NAV2: variants seen among roughly 807,000 people sequenced by gnomAD.
The protein encoded by NAV2 is helicase, APC down-regulated 1.
NAV2 carries 54 observed loss-of-function variants against 223.2 expected under a neutral mutation model. The observed-to-expected ratio is 0.24, with a 90% CI of 0.19 to 0.30. The LOEUF (loss-of-function observed/expected upper bound fraction) is 0.30. Ranked by LOEUF, NAV2 falls within the 10% of genes least tolerant of loss-of-function variation. NAV2 has a pLI of 1.00. For synonymous variants in NAV2, 1,279 were observed against 1,239.3 expected (o/e 1.03, Z -0.67); for missense variants, 2,806 against 3,147.5 (o/e 0.89, Z 2.60).
At chr11:20,106,738 G>A (rs1182747870) in intron 35 of NAV2, among the ~76,000 whole-genome samples, 1 of 151,334 alleles carries the variant, frequency 6.6e-6, no homozygotes, top group Non-Finnish European at 1.5e-5. Flanking sequence ...TGCCTCCCAG[G>A]TTCAAGTGAT....
At chr11:20,062,567 A>T (rs1255810297) in intron 20 of NAV2, among the ~76,000 whole-genome samples, 3 of 152,266 alleles carry the variant, frequency 2.0e-5, no homozygotes, top group African/African-American at 7.2e-5. Context: ...CTGCCTTGTT[A>T]AAGTGGCATT....
At chr11:19,732,621 T>G (rs1475713076) in intron 1 of NAV2, among the ~76,000 whole-genome samples, 1 of 152,212 alleles carries the variant, frequency 6.6e-6, no homozygotes, top group African/African-American at 2.4e-5. Context: ...AATATACCCC[T>G]GGCTTCTTAG....
rs906954177 is a variant in NAV2 at position 19,998,995 on chromosome 11, A to G, written c.2768+14748A>G. Among the ~76,000 whole-genome samples the G allele has an allele frequency of 2.6e-5, 4 of 152,216 alleles. No homozygotes were observed. Among genetic ancestry groups the G allele is most frequent in the African/African-American group, 7.2e-5 (3 of 41,452 alleles). On this transcript the variant is annotated intron_variant, in intron 11 of 37. Transcript: ENST00000349880. This position sits in a 1 kb window ranked among gnomAD's most constrained non-coding sequence, Gnocchi z 5.0. ...CCCTCTCCCAGCACAGGGCCCGTCC[A>G]GAGAGGGTGCTTATTACATATACCA...
At chr11:19,717,483 G>T (rs1267202375) in intron 1 of NAV2, among the ~76,000 whole-genome samples, 1 of 152,240 alleles carries the variant, frequency 6.6e-6, no homozygotes, top group Non-Finnish European at 1.5e-5. Flanking sequence ...GACTGGTGGG[G>T]AGGAGAGGAA....
chr11:19,859,137 C>CTCTTTTTTTTTTTTTTTTTTTT (rs1467179579), intron 3 of NAV2, among the ~76,000 whole-genome samples: 3 of 107,110 alleles, frequency 2.8e-5, no homozygotes, highest in African/African-American at 1.0e-4. Context: ...ATCATATTCT[C>CTCTTTTTTTTTTTTTTTTTTTT]TTTTTTTTTT....
chr11:19,880,975 T>C (rs145785887), intron 5 of NAV2, among the ~76,000 whole-genome samples: 37 of 152,330 alleles, frequency 2.4e-4, no homozygotes, highest in African/African-American at 8.2e-4. Context: ...CTGATCAGAT[T>C]GATTGCTTGA....
rs149366127 is a variant in NAV2, at chr11:19,963,174, T to G, written c.2645+14094T>G. 5.0e-3 allele frequency among the ~76,000 whole-genome samples: 761 copies of G among 152,350 alleles called. 10 individuals carry two copies. The highest frequency in any genetic ancestry group is 0.017 in the African/African-American group (723 of 41,584). On this transcript the variant is annotated intron_variant, in intron 10 of 37. Transcript: ENST00000349880. ...TCGCTAACTGCTTTGGAGAGTTTATTATGTGCTAGGCACTGTGTTGAGCTC... is the reference window on the plus strand; with the variant it reads ...TCGCTAACTGCTTTGGAGAGTTTATGATGTGCTAGGCACTGTGTTGAGCTC...
At chr11:19,458,859 G>T (rs954341137) in intron 1 of NAV2, among the ~76,000 whole-genome samples, 2 of 152,240 alleles carry the variant, frequency 1.3e-5, no homozygotes, top group African/African-American at 4.8e-5. Context: ...GAGGTCAAAT[G>T]CTGAGATGGA....
At chr11:19,654,879 A>G (rs1259312813) in intron 1 of NAV2, among the ~76,000 whole-genome samples, 1 of 152,246 alleles carries the variant, frequency 6.6e-6, no homozygotes, top group Non-Finnish European at 1.5e-5. Flanking sequence ...ACAGAAGCCA[A>G]AATTGATAAA....
chr11:20,031,621 C>T (rs994736299), intron 11 of NAV2, among the ~76,000 whole-genome samples: 1 of 152,230 alleles, frequency 6.6e-6, no homozygotes. Context: ...CAAAGGCACA[C>T]TTCCATCCCT....
At chr11:19,902,546 A>T (rs544564763) in intron 6 of NAV2, among the ~76,000 whole-genome samples, 54 of 152,342 alleles carry the variant, frequency 3.5e-4, no homozygotes, top group Admixed American at 1.3e-3. Context: ...GATCTATTTG[A>T]TTAGTCTTGT....
chr11:19,355,961 G>T (rs1324077896), intron 1 of NAV2, among the ~76,000 whole-genome samples: 3 of 152,222 alleles, frequency 2.0e-5, no homozygotes, highest in African/African-American at 7.2e-5. Context: ...AGGTGAGGAT[G>T]AGGCTTCAGC....
intron 1 of NAV2, chr11:19,520,016 ACT>A (rs1287667148): frequency 1.3e-5 from 2 of 152,118 alleles, no homozygotes; most frequent in Non-Finnish European, 2.9e-5. Context: ...TGGAGGGATA[ACT>A]CTTTCTCTCT....
chr11:19,990,858 C>A (rs1489185112), intron 11 of NAV2, among the ~76,000 whole-genome samples: 3 of 152,354 alleles, frequency 2.0e-5, no homozygotes, highest in Non-Finnish European at 2.9e-5. Flanking sequence ...AATTCCCACA[C>A]TGTAGAAAAC....
chr11:19,971,274 A>T (rs560272047), intron 10 of NAV2, among the ~76,000 whole-genome samples: 1 of 152,086 alleles, frequency 6.6e-6, no homozygotes, highest in African/African-American at 2.4e-5. Flanking sequence ...GTATGTGCCA[A>T]GCTGAAGAGG....
intron 1 of NAV2, among the ~76,000 whole-genome samples, chr11:19,651,842 C>A (rs2047976581): frequency 6.6e-6 from 1 of 152,178 alleles, no homozygotes; most frequent in South Asian, 2.1e-4. Flanking sequence ...GCCCTCATAG[C>A]AAAGACAGGG....
chr11:19,351,312 C>CA (rs1242003260), intron 1 of NAV2, among the ~76,000 whole-genome samples: 1 of 152,194 alleles, frequency 6.6e-6, no homozygotes, highest in East Asian at 1.9e-4. Flanking sequence ...TTGGTGTTCT[C>CA]AAAATCCAAT....
Position 19,421,764 on chromosome 11 carries a change from C to CTTTTTTTTTTTT in NAV2, c.75+70749_75+70760dup, listed in dbSNP as rs373669949. Among the ~76,000 whole-genome samples the CTTTTTTTTTTTT allele has an allele frequency of 3.5e-5, 3 of 84,542 alleles. 1 individual carries two copies. Among genetic ancestry groups the CTTTTTTTTTTTT allele is most frequent in the Non-Finnish European group, 6.1e-5 (3 of 48,922 alleles). The allele number at this position is 84,542 out of a possible 152,430, so 55.5% of individuals were successfully genotyped here. Reference sequence around the variant, plus strand: ...CCCATGAAGTGCCTTAAGAGAGAGGCTTTTTTTTTTTTTTTTTTTTTTTGC... The same window carrying CTTTTTTTTTTTT: ...CCCATGAAGTGCCTTAAGAGAGAGGCTTTTTTTTTTTTTTTTTTTTTTTTTTTTTTTTTTTGC... On this transcript the variant is annotated intron_variant, in intron 1 of 37. Coordinates refer to the NAV2 transcript ENST00000360655.
At chr11:19,625,292 T>C (rs890344222) in intron 1 of NAV2, among the ~76,000 whole-genome samples, 1 of 152,242 alleles carries the variant, frequency 6.6e-6, no homozygotes, top group Admixed American at 6.5e-5. Flanking sequence ...TTTTTTTAGT[T>C]TCTACATATT....
Sources: gnomAD v4.1 joint callset for allele counts (sites outside exome capture counted in the v4.1 genomes callset) on GRCh38, gnomAD v4.1.1 for gene constraint, Gnocchi (gnomAD v3.1) non-coding constraint, MANE v1.5 for transcripts, NCBI Gene and HGNC (gene_info 2026-07-23, HGNC 2026-07-21) for gene names.